Variants in NFIA observed in about 807,000 individuals in gnomAD.
NFIA encodes nuclear factor 1 A-type.
A neutral mutation model predicts 62.8 loss-of-function variants in NFIA; 8 were observed. That is an observed-to-expected ratio of 0.13 (90% CI 0.07 to 0.23). The LOEUF is 0.23. NFIA is among the 10% of genes least tolerant of loss of function. The probability of loss-of-function intolerance (pLI) is 1.00; values close to 1 mark genes in which losing one functional copy is unlikely to be tolerated. For missense variants in NFIA, 410 were observed against 642.1 expected, an observed-to-expected ratio of 0.64 and a Z score of 3.91; for synonymous variants, 235 against 238.1, an observed-to-expected ratio of 0.99 and a Z score of 0.12.
At chr1:61,354,854 C>T (rs957102514) in intron 5 of NFIA, among the ~76,000 whole-genome samples, 2 of 152,140 alleles carry the variant, frequency 1.3e-5, no homozygotes, top group South Asian at 2.1e-4. Flanking sequence ...TGAACGACAG[C>T]GTCTAGCTCT....
intron 9 of NFIA, among the ~76,000 whole-genome samples, chr1:61,420,562 A>G (rs1189954435): frequency 6.6e-6 from 1 of 152,190 alleles, no homozygotes; most frequent in Non-Finnish European, 1.5e-5. Flanking sequence ...GTTCTGTTTA[A>G]GTCTATATTC....
At chr1:61,263,641 A>ATGTTCT (rs1656912433) in intron 2 of NFIA, among the ~76,000 whole-genome samples, 1 of 152,346 alleles carries the variant, frequency 6.6e-6, no homozygotes, top group South Asian at 2.1e-4. Context: ...GGGTTCTAAC[A>ATGTTCT]CAGAGACACT....
rs894847266 is a variant in NFIA, at chr1:61,097,243, T to A, written c.559+8563T>A. 1.8e-4 allele frequency among the ~76,000 whole-genome samples: 27 copies of A among 152,314 alleles called. 1 individual carries two copies. The highest frequency in any genetic ancestry group is 6.0e-4 in the African/African-American group (25 of 41,568). ...TTATATCTCTGGTAAGTGCTTATGG[T>A]GGTCCCAAATAACTTGTGAGTTTCC... is the stretch of plus-strand genomic sequence containing the variant. On this transcript the variant is annotated intron_variant, in intron 2 of 10. Transcript: ENST00000403491.
upstream of NFIA, among the ~76,000 whole-genome samples, chr1:61,080,322 T>A (rs1646080115): frequency 6.6e-6 from 1 of 151,982 alleles, no homozygotes; most frequent in African/African-American, 2.4e-5. Context: ...CAGTCCTTTT[T>A]AAAAAAAATC....
rs1182100901 is a variant in NFIA at position 61,118,154 on chromosome 1, C to T, written c.559+29474C>T. ...GAGCTGAGGCCGCACCACTGCACTC[C>T]AGCCTGGGCAACAGAGTGAGACTCT... On this transcript the variant is annotated intron_variant, in intron 2 of 10. Coordinates refer to ENST00000403491, the MANE Select transcript of NFIA (RefSeq NM_001134673.4). Among the ~76,000 whole-genome samples, 4 of 148,876 alleles carry T rather than the reference C, an allele frequency of 2.7e-5. No homozygotes were observed. The South Asian group carries it at 6.4e-4, about 24-fold the overall frequency.
chr1:61,407,411 T>C (rs1341440179), intron 9 of NFIA, among the ~76,000 whole-genome samples: 1 of 152,204 alleles, frequency 6.6e-6, no homozygotes, highest in Non-Finnish European at 1.5e-5. Flanking sequence ...ACAACCCTTT[T>C]AGATGATGGG....
chr1:61,376,560 GA>G (rs537879918), intron 6 of NFIA, among the ~76,000 whole-genome samples: 85 of 152,282 alleles, frequency 5.6e-4, no homozygotes, highest in African/African-American at 2.0e-3. Context: ...AAGGCCAAGA[GA>G]AAACTTTGAT....
intron 3 of NFIA, among the ~76,000 whole-genome samples, chr1:61,316,844 C>A (rs966209829): frequency 6.6e-6 from 1 of 152,156 alleles, no homozygotes; most frequent in Non-Finnish European, 1.5e-5. Flanking sequence ...GGAATCAAGA[C>A]CCTTTCTTTA....
chr1:61,335,080 G>C (rs976406885), intron 4 of NFIA, among the ~76,000 whole-genome samples: 1 of 152,152 alleles, frequency 6.6e-6, no homozygotes, highest in African/African-American at 2.4e-5. Context: ...CTTAGCCAGT[G>C]CCTGGCATCA....
At chr1:61,292,141 CTT>C (rs758529427) in intron 3 of NFIA, among the ~76,000 whole-genome samples, 3 of 152,096 alleles carry the variant, frequency 2.0e-5, no homozygotes, top group South Asian at 2.1e-4. Flanking sequence ...TAGAAATAAA[CTT>C]ATCGTTTTTC....
intron 2 of NFIA, among the ~76,000 whole-genome samples, chr1:61,112,487 C>T (rs1646712690): frequency 6.6e-6 from 1 of 152,102 alleles, no homozygotes; most frequent in South Asian, 2.1e-4. Flanking sequence ...CTGCTCCTGT[C>T]ATTTATTGAT....
intron 1 of NFIA, among the ~76,000 whole-genome samples, chr1:61,084,905 T>G (rs1464705465): frequency 6.6e-6 from 1 of 151,818 alleles, no homozygotes; most frequent in African/African-American, 2.4e-5. Flanking sequence ...GATTGATGCA[T>G]TCACTAGGCC....
upstream of NFIA, chr1:61,082,087 G>A: frequency 6.6e-7 from 1 of 1,524,440 alleles, no homozygotes; most frequent in Non-Finnish European, 8.8e-7. Flanking sequence ...GGATGGGGAC[G>A]AGGAAAAGTA....
Position 61,378,389 on chromosome 1 carries a change from G to C in NFIA, c.947-4848G>C, listed in dbSNP as rs752772972. Among the ~76,000 whole-genome samples the C allele has an allele frequency of 3.3e-4, 50 of 152,196 alleles. 1 individual carries two copies. The highest frequency in any genetic ancestry group is 1.1e-3 in the African/African-American group (47 of 41,530). On this transcript the variant is annotated intron_variant, in intron 6 of 10. Transcript: ENST00000403491. ...TCCCTTTCTAAGAATACGTCTTACC[G>C]TTTTCTCTAGGTGACTAGGCTAGTG... is the stretch of plus-strand genomic sequence containing the variant.
intron 3 of NFIA, among the ~76,000 whole-genome samples, chr1:61,278,898 G>C (rs1657974315): frequency 6.6e-6 from 1 of 152,114 alleles, no homozygotes; most frequent in Non-Finnish European, 1.5e-5. Context: ...TCAGAGTATT[G>C]ATTTATTCCT....
intron 2 of NFIA, among the ~76,000 whole-genome samples, chr1:61,190,163 T>A (rs979577406): frequency 5.9e-5 from 9 of 152,136 alleles, no homozygotes; most frequent in African/African-American, 2.2e-4. Flanking sequence ...GTGGTACTAT[T>A]TCCCCCCATG....
intron 2 of NFIA, among the ~76,000 whole-genome samples, chr1:61,256,021 A>G (rs984597564): frequency 6.6e-6 from 1 of 152,158 alleles, no homozygotes; most frequent in Non-Finnish European, 1.5e-5. Flanking sequence ...GGCATGTCCA[A>G]TCTTTTGGCT....
intron 7 of NFIA, among the ~76,000 whole-genome samples, chr1:61,395,139 C>G (rs1665199811): frequency 6.6e-6 from 1 of 151,934 alleles, no homozygotes; most frequent in African/African-American, 2.4e-5. Context: ...GTAGCCTATG[C>G]TTTAGTAATC....
At chr1:61,433,645 C>T (rs753679638) in intron 10 of NFIA, among the ~76,000 whole-genome samples, 3 of 151,990 alleles carry the variant, frequency 2.0e-5, no homozygotes, top group Non-Finnish European at 4.4e-5. Context: ...CAAATGATAG[C>T]TTTCATTGTT....
Sources: allele counts gnomAD v4.1 joint callset (sites outside exome capture counted in the v4.1 genomes callset), GRCh38; gene constraint gnomAD v4.1.1; transcripts MANE v1.5; gene names NCBI Gene and HGNC (gene_info 2026-07-23, HGNC 2026-07-21).